Variants in PXDNL observed in about 807,000 individuals in gnomAD.
PXDNL encodes probable oxidoreductase PXDNL.
Under a neutral mutation model 150.8 loss-of-function variants are expected in PXDNL, and 145 were observed. The ratio of observed to expected loss-of-function variants is 0.96; its 90% confidence interval spans 0.84 to 1.10. PXDNL has a LOEUF of 1.10. PXDNL is among the 50% of genes least tolerant of loss of function. The probability of loss-of-function intolerance (pLI) is 0.00; values close to 1 mark genes in which losing one functional copy is unlikely to be tolerated. For missense variants in PXDNL, 2,087 were observed against 1,873.9 expected (o/e 1.11, Z -2.10); for synonymous variants, 757 against 725.7 (o/e 1.04, Z -0.69).
chr8:51,631,850 C>A (rs1033688825), intron 2 of PXDNL, among the ~76,000 whole-genome samples: 1 of 151,950 alleles, frequency 6.6e-6, no homozygotes, highest in Non-Finnish European at 1.5e-5. Flanking sequence ...CCTCGTGTCT[C>A]ATTTCTCAAG....
Position 51,447,003 on chromosome 8 carries a change from C to T in PXDNL, c.1525+1G>A. 1 of 1,613,586 alleles carries T rather than the reference C, an allele frequency of 6.2e-7. No individual in the cohort carries two copies. The highest frequency in any genetic ancestry group is 8.5e-7 in the Non-Finnish European group (1 of 1,179,768). ...TGAATATGAATCACAGTATATATTA[C>T]CTTTGGGTTTTACAGTCAGCTGCAC... On this transcript the variant is annotated splice_donor_variant, in intron 12 of 22. Transcript: ENST00000356297. LOFTEE classifies it high-confidence loss of function.
intron 17 of PXDNL, among the ~76,000 whole-genome samples, chr8:51,387,995 A>G (rs1442086226): frequency 6.6e-6 from 1 of 152,200 alleles, no homozygotes; most frequent in Non-Finnish European, 1.5e-5. Context: ...CTTCAGGGTT[A>G]ACATTACAGA....
In PXDNL at chr8:51,319,840, G is replaced by A. The variant is rs1805262337; in HGVS notation, c.*51C>T. The A allele has an allele frequency of 1.4e-6, 2 of 1,413,184 alleles. No homozygotes were observed. Among genetic ancestry groups the A allele is most frequent in the South Asian group, 1.8e-5 (1 of 55,442 alleles). 87.5% of individuals were successfully genotyped at this position (1,413,184 alleles called of 1,614,324 possible). A position where few individuals can be genotyped will look rare whatever the true frequency, so the allele number is the denominator to read the frequency against. ...AGTTAAAAGTTCTGAAGTCCTAAAT[G>A]TCTCTTCCTGAGAAATTTCCCATTT... On this transcript the variant is annotated 3_prime_UTR_variant, in exon 23 of 23. Transcript: ENST00000356297.
chr8:51,328,536 C>T (rs1029081492), intron 21 of PXDNL, among the ~76,000 whole-genome samples: 8 of 152,132 alleles, frequency 5.3e-5, no homozygotes, highest in Admixed American at 3.3e-4. Context: ...GGGCATCCCA[C>T]GATCCAGAAA....
At chr8:51,790,338 A>G (rs2037498895) in intron 1 of PXDNL, among the ~76,000 whole-genome samples, 2 of 152,184 alleles carry the variant, frequency 1.3e-5, no homozygotes, top group Admixed American at 1.3e-4. Context: ...CCTCCACCAC[A>G]AAGTGAGGTA....
intron 1 of PXDNL, among the ~76,000 whole-genome samples, chr8:51,735,837 C>A (rs760244744): frequency 1.2e-4 from 19 of 152,214 alleles, no homozygotes; most frequent in Non-Finnish European, 2.2e-4. Flanking sequence ...TGAGCCACCG[C>A]GCCCGGCCTA....
At chr8:51,604,075 T>G (rs2130691425) in intron 2 of PXDNL, among the ~76,000 whole-genome samples, 1 of 152,306 alleles carries the variant, frequency 6.6e-6, no homozygotes, top group Middle Eastern at 3.4e-3. Context: ...AAAATTAGTT[T>G]GTTAAATTAT....
In PXDNL at chr8:51,408,835, C is replaced by T; in HGVS notation, c.2789G>A (p.Gly930Glu). The T allele has an allele frequency of 6.4e-7, 1 of 1,574,032 alleles. No homozygotes were observed. The highest frequency in any genetic ancestry group is 1.4e-5 in the African/African-American group (1 of 73,774). ...TGTAGAAAAGGGCAATAAGGGCTTT[C>T]CGGAGGGAGGCCAAGGAAAGCCTGT... The part of the protein sequence containing the change: ...LKTGFPWPPS[G>E]KPLLPFSTGP... Residue 930 changes from glycine to glutamate, a missense_variant, in exon 17 of 23, where the codon GGA becomes GAA. Coordinates refer to ENST00000356297, the MANE Select transcript of PXDNL (RefSeq NM_144651.5).
intron 17 of PXDNL, among the ~76,000 whole-genome samples, chr8:51,396,672 C>T (rs544521963): frequency 2.6e-5 from 4 of 152,228 alleles, no homozygotes; most frequent in South Asian, 2.1e-4. Flanking sequence ...GCAGGAGAAA[C>T]GCTTGAACGT....
chr8:51,647,107 G>A (rs1814936774), intron 2 of PXDNL, among the ~76,000 whole-genome samples: 1 of 152,202 alleles, frequency 6.6e-6, no homozygotes, highest in Non-Finnish European at 1.5e-5. Context: ...CCCTTATACA[G>A]GGTCTGTGAA....
chr8:51,793,905 A>C (rs1003542566), intron 1 of PXDNL, among the ~76,000 whole-genome samples: 8 of 151,648 alleles, frequency 5.3e-5, no homozygotes, highest in African/African-American at 2.0e-4. Flanking sequence ...AACAACAACA[A>C]CAACAAAAGA....
intron 3 of PXDNL, among the ~76,000 whole-genome samples, chr8:51,563,821 A>G (rs1226789063): frequency 6.6e-6 from 1 of 152,024 alleles, no homozygotes; most frequent in Non-Finnish European, 1.5e-5. Context: ...GTGTGGTATC[A>G]TGCTCTGCTC....
intron 1 of PXDNL, among the ~76,000 whole-genome samples, chr8:51,752,906 C>T (rs902917528): frequency 6.6e-6 from 1 of 152,112 alleles, no homozygotes; most frequent in African/African-American, 2.4e-5. Context: ...TGGGGCATAC[C>T]CATGGGCACA....
chr8:51,453,446 T>C (rs1365930926), intron 10 of PXDNL, 73 bp downstream of exon 10: 3 of 1,440,230 alleles, frequency 2.1e-6, no homozygotes, highest in East Asian at 2.3e-5. Context: ...GTACATGACA[T>C]TATTTAAGTT....
intron 3 of PXDNL, among the ~76,000 whole-genome samples, chr8:51,573,440 G>A (rs1585589753): frequency 6.6e-6 from 1 of 152,100 alleles, no homozygotes; most frequent in Admixed American, 6.6e-5. Context: ...TGGATAGTCA[G>A]TATTTTAACT....
Position 51,604,540 on chromosome 8 carries a change from C to A in PXDNL, c.237-11842G>T, listed in dbSNP as rs186169098. Among the ~76,000 whole-genome samples, 41 of 152,184 alleles carry A rather than the reference C, an allele frequency of 2.7e-4. No individual in the cohort carries two copies. In the East Asian group the frequency reaches 7.9e-3, roughly 29 times the overall value. The stretch of plus-strand genomic sequence containing the variant: ...GGGAGGGATAGCATTAGGAGATATA[C>A]CCAATGCTAAATGACGAGTTAATGG... On this transcript the variant is annotated intron_variant, in intron 2 of 22. Coordinates refer to ENST00000356297, the MANE Select transcript of PXDNL (RefSeq NM_144651.5).
rs533756656 is a variant in PXDNL at position 51,344,368 on chromosome 8, C to A, written c.4016+1465G>T. On this transcript the variant is annotated intron_variant, in intron 20 of 22. Transcript: ENST00000356297. ...CTCCTGGCTTCAGGTGATGCTCCCACCTCAGCTTCCTGAATATTTGGGACC... is the reference window on the plus strand; with the variant it reads ...CTCCTGGCTTCAGGTGATGCTCCCAACTCAGCTTCCTGAATATTTGGGACC... Among the ~76,000 whole-genome samples, 36 of 152,228 alleles carry A rather than the reference C, an allele frequency of 2.4e-4. No individual in the cohort carries two copies. In the South Asian group the frequency reaches 7.5e-3, roughly 32 times the overall value.
intron 2 of PXDNL, among the ~76,000 whole-genome samples, chr8:51,618,580 G>C (rs994720102): frequency 6.6e-6 from 1 of 152,146 alleles, no homozygotes; most frequent in Admixed American, 6.5e-5. Flanking sequence ...AGGAGGCCTC[G>C]CAATAAAAGT....
At chr8:51,725,440 C>T (rs1305093898) in intron 1 of PXDNL, among the ~76,000 whole-genome samples, 1 of 152,164 alleles carries the variant, frequency 6.6e-6, no homozygotes, top group African/African-American at 2.4e-5. Context: ...AAACGTGTTT[C>T]TAACACCACT....
Sources: allele counts gnomAD v4.1 joint callset (sites outside exome capture counted in the v4.1 genomes callset), GRCh38; gene constraint gnomAD v4.1.1; transcripts MANE v1.5; gene names NCBI Gene and HGNC (gene_info 2026-07-23, HGNC 2026-07-21).